Variants in NBAS observed in about 807,000 individuals in gnomAD.
The protein encoded by NBAS is NBAS subunit of NRZ tethering complex, also known as NAG/BC035112 fusion.
In NBAS, 219 loss-of-function variants were observed where a neutral mutation model predicts 302.5. That is an observed-to-expected ratio of 0.72 (90% CI 0.65 to 0.81). The LOEUF is 0.81. Among genes scored for constraint, NBAS ranks in the 30% least tolerant of loss-of-function variants. NBAS has a pLI of 0.00. For missense variants in NBAS, 2,932 were observed against 2,841.6 expected, an observed-to-expected ratio of 1.03 and a Z score of -0.72; for synonymous variants, 1,118 against 1,021.6, an observed-to-expected ratio of 1.09 and a Z score of -1.80.
the NBAS span, among the ~76,000 whole-genome samples, chr2:14,989,287 A>ATGTGTGTGTGTGTGTGTGTG: frequency 5.6e-5 from 4 of 70,950 alleles, no homozygotes; most frequent in Non-Finnish European, 8.7e-5. Flanking sequence ...TAGTAGATGT[A>ATGTGTGTGTGTGTGTGTGTG]TGTGTATGTG....
At chr2:15,247,797 G>A (rs765535879) in intron 44 of NBAS, among the ~76,000 whole-genome samples, 1 of 150,228 alleles carries the variant, frequency 6.7e-6, no homozygotes, top group Non-Finnish European at 1.5e-5. Context: ...GACAATACGG[G>A]CTCATAAAGC....
chr2:15,212,780 T>C (rs1666474942), intron 48 of NBAS, among the ~76,000 whole-genome samples: 1 of 152,186 alleles, frequency 6.6e-6, no homozygotes, highest in Admixed American at 6.5e-5. Flanking sequence ...CTCTTTCCTG[T>C]TGCCATGTGA....
chr2:15,513,269 CA>C (rs1662226688), intron 9 of NBAS, among the ~76,000 whole-genome samples: 3 of 152,192 alleles, frequency 2.0e-5, no homozygotes, highest in Admixed American at 2.0e-4. Flanking sequence ...TGCCTTGAAG[CA>C]ACCTATTTTG....
the NBAS span, among the ~76,000 whole-genome samples, chr2:15,131,649 C>T: frequency 6.6e-6 from 1 of 152,130 alleles, no homozygotes; most frequent in Non-Finnish European, 1.5e-5. Context: ...ACAAGGCTAA[C>T]ATCAGAAAGA....
rs144637332 is a variant in NBAS, at chr2:15,202,934, G to C, written c.6433-12531C>G. ...TTTTAATAGAATAATTCATACAGCT[G>C]AAAATTTTCTCGCTGTAGTGTATCA... On this transcript the variant is annotated intron_variant, in intron 48 of 51. Coordinates refer to ENST00000281513, the MANE Select transcript of NBAS (RefSeq NM_015909.4). Among the ~76,000 whole-genome samples the C allele has an allele frequency of 4.2e-3, 635 of 152,266 alleles. 3 individuals are homozygous for C. Among genetic ancestry groups the C allele is most frequent in the African/African-American group, 0.014 (583 of 41,550 alleles).
At chr2:15,109,402 A>G in the NBAS span, among the ~76,000 whole-genome samples, 1 of 152,182 alleles carries the variant, frequency 6.6e-6, no homozygotes, top group Non-Finnish European at 1.5e-5. Context: ...ACTGAGGATA[A>G]CAATCTCCCT....
chr2:15,405,183 G>A (rs527602866), intron 25 of NBAS, among the ~76,000 whole-genome samples: 3 of 152,266 alleles, frequency 2.0e-5, no homozygotes, highest in African/African-American at 7.2e-5. Flanking sequence ...TTTCCCAGAT[G>A]TCTACAGTCC....
chr2:14,889,510 C>T, the NBAS span, among the ~76,000 whole-genome samples: 2 of 152,114 alleles, frequency 1.3e-5, no homozygotes, highest in Non-Finnish European at 2.9e-5. Flanking sequence ...AAAAGGAGTC[C>T]GCATAGCTGG....
rs763815038 is a variant in NBAS, at chr2:15,539,314, C to A, written c.422G>T (p.Ser141Ile). 6.2e-7 allele frequency: 1 copy of A among 1,614,246 alleles called. No individual in the cohort carries two copies. The highest frequency in any genetic ancestry group is 8.5e-7 in the Non-Finnish European group (1 of 1,180,046). The change falls in exon 7 of 52, where the codon AGT becomes ATT. Residue 141 changes from serine (S) to isoleucine (I), a missense_variant. Transcript: ENST00000281513. ...PKPQWRRVAW[S>I]YDCTLLAYAE... ...ATAGGCCAGTAGGGTACAATCGTAA[C>A]TCCATGCTACCCGTCTCCACTGGGG...
chr2:15,282,915 T>G (rs574585217), intron 42 of NBAS, among the ~76,000 whole-genome samples: 2 of 152,278 alleles, frequency 1.3e-5, no homozygotes, highest in Non-Finnish European at 2.9e-5. Flanking sequence ...CTTTCTTCCA[T>G]TCCTCTTCAA....
At chr2:15,476,115 C>T (rs1680181076) in intron 13 of NBAS, among the ~76,000 whole-genome samples, 1 of 152,076 alleles carries the variant, frequency 6.6e-6, no homozygotes, top group South Asian at 2.1e-4. Context: ...CAGTCTAGGT[C>T]TAAAATTCTA....
At chr2:15,278,983 A>T (rs962832607) in intron 42 of NBAS, among the ~76,000 whole-genome samples, 1 of 152,196 alleles carries the variant, frequency 6.6e-6, no homozygotes, top group East Asian at 1.9e-4. Flanking sequence ...TGATAATATC[A>T]CTATTCAACG....
intron 51 of NBAS, 137 bp downstream of exon 51, chr2:15,178,851 T>C: frequency 1.6e-6 from 2 of 1,232,292 alleles, no homozygotes; most frequent in South Asian, 2.8e-5. Context: ...CAGGAACAGC[T>C]ATTGTGGTCA....
At position 15,374,968 on chromosome 2, in the gene NBAS, T is replaced by A. The variant is rs909957110; in HGVS notation, c.3591-248A>T. Among the ~76,000 whole-genome samples, 6 of 152,298 alleles carry A rather than the reference T, an allele frequency of 3.9e-5. No homozygotes were observed. The East Asian group carries it at 1.2e-3, about 29-fold the overall frequency. On this transcript the variant is annotated intron_variant, in intron 30 of 51. Coordinates refer to ENST00000281513, the MANE Select transcript of NBAS (RefSeq NM_015909.4). ...AGTGAAGTAATTGCCCACAGTTACA[T>A]CCACAGTACATAATGGCATCATGGT...
At chr2:15,230,393 C>CAAA (rs35319491) in intron 47 of NBAS, among the ~76,000 whole-genome samples, 17 of 90,486 alleles carry the variant, frequency 1.9e-4, no homozygotes, top group South Asian at 4.3e-4. Flanking sequence ...ATTTTTTAGG[C>CAAA]AAAAAAAAAA....
rs530693378 is a variant in NBAS, at chr2:15,397,102, A to T, written c.3072-627T>A. ...CCAGTAAGCAGGGACTAGGAGAAACACCGTCATGAAAAAGATCACAAACTA... is the reference window on the plus strand; with the variant it reads ...CCAGTAAGCAGGGACTAGGAGAAACTCCGTCATGAAAAAGATCACAAACTA... On this transcript the variant is annotated intron_variant, in intron 26 of 51. Coordinates refer to ENST00000281513, the MANE Select transcript of NBAS (RefSeq NM_015909.4). Among the ~76,000 whole-genome samples, 4 of 152,360 alleles carry T rather than the reference A, an allele frequency of 2.6e-5. No homozygotes were observed. In the East Asian group the frequency reaches 7.7e-4, roughly 29 times the overall value.
chr2:14,866,368 T>A, the NBAS span, among the ~76,000 whole-genome samples: 215 of 152,326 alleles, frequency 1.4e-3, 1 homozygote, highest in Non-Finnish European at 2.2e-3. Context: ...CAGCTGTCAG[T>A]CTTATCTGTT....
At chr2:15,267,369 C>T (rs1449120152) in intron 44 of NBAS, among the ~76,000 whole-genome samples, 1 of 152,084 alleles carries the variant, frequency 6.6e-6, no homozygotes, top group Non-Finnish European at 1.5e-5. Context: ...AGCCAGAGAT[C>T]AATGGGCAAA....
chr2:15,521,960 C>T (rs1290340529), intron 9 of NBAS, among the ~76,000 whole-genome samples: 2 of 152,004 alleles, frequency 1.3e-5, no homozygotes, highest in African/African-American at 4.8e-5. Context: ...ACAATCTGCC[C>T]CTTTACAGGA....
Sources: gnomAD v4.1 joint callset for allele counts (sites outside exome capture counted in the v4.1 genomes callset) on GRCh38, gnomAD v4.1.1 for gene constraint, MANE v1.5 for transcripts, NCBI Gene and HGNC (gene_info 2026-07-23, HGNC 2026-07-21) for gene names.